The following PGM2L1 variants were observed in gnomAD, a reference collection of about 807,000 sequenced individuals.
PGM2L1 encodes the protein glucose 1,6-bisphosphate synthase.
Under a neutral mutation model 73.4 loss-of-function variants are expected in PGM2L1, and 35 were observed. That is an observed-to-expected ratio of 0.48 (90% CI 0.36 to 0.63). The LOEUF is 0.63. Among genes scored for constraint, PGM2L1 ranks in the 30% least tolerant of loss-of-function variants. The pLI is 0.00. For synonymous variants in PGM2L1, 225 were observed against 253.8 expected (o/e 0.89, Z 1.08); for missense variants, 570 against 742.0 (o/e 0.77, Z 2.69).
Position 74,356,863 on chromosome 11 carries a change from C to T in PGM2L1, c.556-5287G>A, listed in dbSNP as rs999552162. 5.3e-5 allele frequency among the ~76,000 whole-genome samples: 8 copies of T among 151,424 alleles called. No individual in the cohort carries two copies. In the East Asian group the frequency reaches 9.7e-4, roughly 18 times the overall value. On this transcript the variant is annotated intron_variant, in intron 5 of 13. Transcript: ENST00000298198. Reference sequence around the variant, plus strand: ...ACTTTTTTTTTTTCAGATGGAGTTTCGGTCTTGTTGCCCAGGCTGGAGTGC... The same window carrying T: ...ACTTTTTTTTTTTCAGATGGAGTTTTGGTCTTGTTGCCCAGGCTGGAGTGC...
At chr11:74,355,774 A>G (rs1404814224) in intron 5 of PGM2L1, 3 of 465,782 alleles carry the variant, frequency 6.4e-6, no homozygotes, top group South Asian at 3.0e-5. Flanking sequence ...CAGAGAAGTG[A>G]CAGGGAAGCT....
At chr11:74,375,505 T>C (rs995163595) in intron 1 of PGM2L1, among the ~76,000 whole-genome samples, 2 of 152,214 alleles carry the variant, frequency 1.3e-5, no homozygotes, top group Non-Finnish European at 2.9e-5. Flanking sequence ...AAGATTAATA[T>C]GAATTCAGTC....
intron 7 of PGM2L1, 67 bp from the exon 8 acceptor site, chr11:74,346,896 T>C: frequency 2.4e-6 from 3 of 1,245,562 alleles, no homozygotes; most frequent in Non-Finnish European, 2.4e-6. Context: ...CGTTCCTGTA[T>C]GTAGGCACAA....
intron 5 of PGM2L1, 100 bp downstream of exon 5, chr11:74,368,392 C>A: frequency 9.9e-7 from 1 of 1,010,554 alleles, no homozygotes; most frequent in South Asian, 1.5e-5. Context: ...TTCCCAATGT[C>A]TAGCTCTGCT....
At chr11:74,353,881 G>GCC (rs1272698579) in intron 5 of PGM2L1, among the ~76,000 whole-genome samples, 2 of 148,338 alleles carry the variant, frequency 1.3e-5, no homozygotes, top group African/African-American at 2.5e-5. Context: ...CTGCCGGGCG[G>GCC]GGGCTGAAAA....
intron 1 of PGM2L1, among the ~76,000 whole-genome samples, chr11:74,391,186 G>A (rs1036712007): frequency 1.4e-5 from 2 of 144,450 alleles, no homozygotes; most frequent in South Asian, 4.4e-4. Flanking sequence ...CTTTCTTCCT[G>A]TTTTCCTCCT....
At chr11:74,337,464 T>G (rs1031148723) in intron 13 of PGM2L1, among the ~76,000 whole-genome samples, 1 of 152,238 alleles carries the variant, frequency 6.6e-6, no homozygotes, top group African/African-American at 2.4e-5. Context: ...ATGCAAAGAT[T>G]TGGGGAAATA....
In PGM2L1 at chr11:74,343,487, C is replaced by T. The variant is rs1591166455; in HGVS notation, c.1219-71G>A. On this transcript the variant is annotated intron_variant, in intron 9 of 13. Transcript: ENST00000298198. ...ATACCTATTAGAGAAAAATCTGCCA[C>T]TACATGCACACAACGTTCATATAAT... 5 of 1,566,304 alleles carry T rather than the reference C, an allele frequency of 3.2e-6. No homozygotes were observed. In the African/African-American group the frequency reaches 5.5e-5, roughly 17 times the overall value.
intron 2 of PGM2L1, among the ~76,000 whole-genome samples, chr11:74,373,378 T>C (rs1565443041): frequency 6.6e-6 from 1 of 152,232 alleles, no homozygotes; most frequent in Non-Finnish European, 1.5e-5. Flanking sequence ...ACCCCTGCAT[T>C]AGGCCTTGGC....
rs115731798 is a variant in PGM2L1 at position 74,368,261 on chromosome 11, G to A, written c.555+231C>T. Among the ~76,000 whole-genome samples, 217 of 152,200 alleles carry A rather than the reference G, an allele frequency of 1.4e-3. 1 individual carries two copies. Among genetic ancestry groups the A allele is most frequent in the African/African-American group, 5.2e-3 (215 of 41,530 alleles). On this transcript the variant is annotated intron_variant, in intron 5 of 13. Transcript: ENST00000298198. ...ATTTAGGAAGGGATAGAGAAATCAA[G>A]GACAATTAGGAATAAAAGAACTAAA...
At chr11:74,374,721 T>A (rs956728191) in intron 1 of PGM2L1, 139 bp from the exon 2 acceptor site, 4 of 657,786 alleles carry the variant, frequency 6.1e-6, no homozygotes, top group Non-Finnish European at 9.7e-6. Context: ...TTTGTATGTA[T>A]AATAAAATAA....
At chr11:74,354,533 A>C in intron 5 of PGM2L1, 1 of 1,247,484 alleles carries the variant, frequency 8.0e-7, no homozygotes, top group South Asian at 1.2e-5. Flanking sequence ...TGAGAGCCTG[A>C]GGAGCCATTT....
chr11:74,382,824 C>A (rs1862966181), intron 1 of PGM2L1, among the ~76,000 whole-genome samples: 1 of 152,124 alleles, frequency 6.6e-6, no homozygotes, highest in Non-Finnish European at 1.5e-5. Flanking sequence ...TAGACAGTTA[C>A]AAAAGTCCAC....
At chr11:74,361,961 T>C (rs563521235) in intron 5 of PGM2L1, among the ~76,000 whole-genome samples, 12 of 152,278 alleles carry the variant, frequency 7.9e-5, no homozygotes, top group Non-Finnish European at 1.5e-4. Flanking sequence ...GGAACCAAAT[T>C]GGAAAACACT....
intron 5 of PGM2L1, among the ~76,000 whole-genome samples, chr11:74,356,053 CT>C (rs879312654): frequency 1.8e-3 from 249 of 142,036 alleles, no homozygotes; most frequent in Middle Eastern, 3.8e-3. Context: ...GAATAAATGT[CT>C]TTTTTTTTTT....
chr11:74,398,367 AC>A lies in PGM2L1; in HGVS notation c.-207del. ...TTTATGGCCGCCTGCTCCCCAGCGG[AC>A]CAGGTCCGGGTCTCTGGGCGAAGTG... is the stretch of plus-strand genomic sequence containing the variant. On this transcript the variant is annotated 5_prime_UTR_variant, in exon 1 of 14. Transcript: ENST00000298198. 1 of 722,654 alleles carries A rather than the reference AC, an allele frequency of 1.4e-6. No individual in the cohort carries two copies. Among genetic ancestry groups the A allele is most frequent in the Non-Finnish European group, 2.0e-6 (1 of 495,808 alleles). The allele number at this position is 722,654 out of a possible 1,614,324, so 44.8% of individuals were successfully genotyped here.
In PGM2L1 at chr11:74,334,235, T is replaced by C. The variant is rs1862057463; in HGVS notation, c.*2417A>G. 1 of 152,238 alleles carries C rather than the reference T, an allele frequency of 6.6e-6. No individual in the cohort carries two copies. Among genetic ancestry groups the C allele is most frequent in the South Asian group, 2.1e-4 (1 of 4,834 alleles). The allele number at this position is 152,238 out of a possible 1,614,324, so 9.4% of individuals were successfully genotyped here. On this transcript the variant is annotated 3_prime_UTR_variant, in exon 14 of 14. Coordinates refer to ENST00000298198, the MANE Select transcript of PGM2L1 (RefSeq NM_173582.6). ...TGTTTTCTTCATAATAGAATGACAG[T>C]CATGACATGGCTTTAGTAACTATGA...
rs1055976871 is a variant in PGM2L1 at position 74,333,337 on chromosome 11, G to A, written c.*3315C>T. ...TAGAGATGGAGAACACTATGGCATA[G>A]TATTTCTTACTTTGAACCCTTCAAT... is the stretch of plus-strand genomic sequence containing the variant. On this transcript the variant is annotated 3_prime_UTR_variant, in exon 14 of 14. Transcript: ENST00000298198. 6.6e-6 allele frequency: 1 copy of A among 152,114 alleles called. No individual in the cohort carries two copies. Among genetic ancestry groups the A allele is most frequent in the Admixed American group, 6.5e-5 (1 of 15,272 alleles). 9.4% of individuals were successfully genotyped at this position (152,114 alleles called of 1,614,324 possible).
chr11:74,363,293 A>G (rs1007721726), intron 5 of PGM2L1, among the ~76,000 whole-genome samples: 1 of 152,282 alleles, frequency 6.6e-6, no homozygotes, highest in Admixed American at 6.5e-5. Flanking sequence ...AGCAGGAAAG[A>G]TCTAAAATTG....
Sources: gnomAD v4.1 joint callset for allele counts (sites outside exome capture counted in the v4.1 genomes callset) on GRCh38, gnomAD v4.1.1 for gene constraint, MANE v1.5 for transcripts, NCBI Gene and HGNC (gene_info 2026-07-23, HGNC 2026-07-21) for gene names.